Variants in PROM1 observed in about 807,000 individuals in gnomAD.
PROM1 encodes prominin 1, also known as prominin-1.
In PROM1, 105 loss-of-function variants were observed where a neutral mutation model predicts 116.9. The ratio of observed to expected loss-of-function variants is 0.90; its 90% CI spans 0.77 to 1.06. PROM1 has a LOEUF of 1.06. Among genes scored for constraint, PROM1 ranks in the 50% least tolerant of loss-of-function variants. The probability of loss-of-function intolerance (pLI) is 0.00; values close to 1 mark genes in which losing one functional copy is unlikely to be tolerated. For synonymous variants in PROM1, 393 were observed against 387.0 expected (o/e 1.02, Z -0.18); for missense variants, 1,122 against 1,045.2 (o/e 1.07, Z -1.01).
At chr4:16,029,097 A>G (rs1732060106) in intron 5 of PROM1, among the ~76,000 whole-genome samples, 2 of 152,258 alleles carry the variant, frequency 1.3e-5, no homozygotes, top group Admixed American at 6.5e-5. Context: ...CAGAAAAATT[A>G]CATTTAAACT....
At chr4:15,994,117 G>A (rs1212420329) in intron 15 of PROM1, 46 bp from the exon 16 acceptor site, 4 of 1,612,036 alleles carry the variant, frequency 2.5e-6, no homozygotes, top group Non-Finnish European at 3.4e-6. Context: ...AGCTGTTGCA[G>A]CTACCTCTGT....
At chr4:16,068,283 T>G (rs1742021070) in intron 2 of PROM1, among the ~76,000 whole-genome samples, 1 of 152,110 alleles carries the variant, frequency 6.6e-6, no homozygotes, top group Non-Finnish European at 1.5e-5. Context: ...CAGAGCAGAA[T>G]AAAAATCAAA....
intron 23 of PROM1, among the ~76,000 whole-genome samples, chr4:15,982,037 A>T (rs1235778225): frequency 1.3e-5 from 2 of 152,216 alleles, no homozygotes; most frequent in African/African-American, 4.8e-5. Flanking sequence ...CTTATGGACC[A>T]ATCAGGACAA....
intron 2 of PROM1, among the ~76,000 whole-genome samples, chr4:16,040,611 C>T (rs552638848): frequency 2.0e-4 from 30 of 152,310 alleles, no homozygotes; most frequent in South Asian, 6.2e-4. Flanking sequence ...ATCCAAGCTC[C>T]GCCACTTAAC....
rs765203655 is a variant in PROM1, at chr4:16,018,369, A to T, written c.956T>A (p.Ile319Asn). The T allele has an allele frequency of 1.2e-6, 2 of 1,613,692 alleles. No homozygotes were observed. The highest frequency in any genetic ancestry group is 2.2e-5 in the South Asian group (2 of 91,068). ...ATTCAGCTGGCTTAGAGACAATCTG[A>T]TGCTGTTGCAGGTTTCACTTGATGG... ...VHPSSETCNSIRLSLSQLNSN... is the reference protein window; with the variant it reads ...VHPSSETCNSNRLSLSQLNSN... The change falls in exon 9 of 28, where the codon ATC becomes AAC. Residue 319 changes from isoleucine to asparagine, a missense_variant. Ile to Asn is a moderately radical substitution (Grantham distance 149). Transcript: ENST00000447510.
intron 11 of PROM1, among the ~76,000 whole-genome samples, chr4:16,011,118 G>T (rs1399993374): frequency 1.3e-5 from 2 of 152,070 alleles, no homozygotes; most frequent in Non-Finnish European, 1.5e-5. Flanking sequence ...GCACGACATG[G>T]CTCCGTGACT....
intron 23 of PROM1, among the ~76,000 whole-genome samples, chr4:15,981,515 T>C (rs1717945219): frequency 6.6e-6 from 1 of 150,818 alleles, no homozygotes; most frequent in African/African-American, 2.4e-5. Context: ...GAGGTTGCAG[T>C]GAACCGAGAT....
intron 2 of PROM1, among the ~76,000 whole-genome samples, chr4:16,071,446 C>T (rs1463137068): frequency 1.3e-5 from 2 of 152,098 alleles, no homozygotes; most frequent in Admixed American, 6.5e-5. Context: ...ATATCTGTGT[C>T]CCCTGACATT....
intron 2 of PROM1, among the ~76,000 whole-genome samples, chr4:16,061,869 G>C (rs566700521): frequency 1.3e-5 from 2 of 150,066 alleles, no homozygotes; most frequent in African/African-American, 4.9e-5. Flanking sequence ...CTCCCTGTGT[G>C]TGTGTGTTTA....
At chr4:15,991,365 A>T (rs1577883013) in intron 17 of PROM1, 72 bp from the exon 18 acceptor site, 1 of 961,390 alleles carries the variant, frequency 1.0e-6, no homozygotes, top group East Asian at 2.9e-5. Flanking sequence ...TCTAGTAGGC[A>T]ACAGATTAAA....
chr4:16,078,678 G>A (rs1412015855), intron 1 of PROM1, among the ~76,000 whole-genome samples: 1 of 152,184 alleles, frequency 6.6e-6, no homozygotes, highest in Non-Finnish European at 1.5e-5. Flanking sequence ...AACACATACT[G>A]TAAGAAAGGG....
intron 2 of PROM1, among the ~76,000 whole-genome samples, chr4:16,042,249 T>C (rs773071689): frequency 6.6e-5 from 10 of 152,242 alleles, no homozygotes; most frequent in Non-Finnish European, 1.2e-4. Context: ...CACCATGAGC[T>C]TGACAGCATT....
chr4:15,989,543 C>A (rs572745528), intron 19 of PROM1, among the ~76,000 whole-genome samples, 189 bp downstream of exon 19: 7 of 152,298 alleles, frequency 4.6e-5, no homozygotes, highest in Middle Eastern at 3.4e-3. Context: ...AAATGAAAAA[C>A]GGAAGGGAAT....
rs1156697173 is a variant in PROM1, at chr4:16,006,616, C to A, written c.1376G>T (p.Gly459Val). ...GGCATGCCTGTCATAGCCGCACACG[C>A]CACACAGTAAGCCCAGGTAGTAAAA... The part of the protein sequence containing the change: ...VIFYYLGLLC[G>V]VCGYDRHATP... The change falls in exon 13 of 28, where the codon GGC (glycine) becomes GTC (valine). Residue 459 changes from glycine to valine, a missense_variant. Physicochemically the swap from Gly to Val is moderately radical, Grantham distance 109 (BLOSUM62 -3). Transcript: ENST00000447510. 6.2e-7 allele frequency: 1 copy of A among 1,611,466 alleles called. No individual in the cohort carries two copies. Among genetic ancestry groups the A allele is most frequent in the Non-Finnish European group, 8.5e-7 (1 of 1,178,934 alleles).
chr4:15,975,161 G>A (rs1715787685), intron 26 of PROM1, among the ~76,000 whole-genome samples: 1 of 152,138 alleles, frequency 6.6e-6, no homozygotes, highest in African/African-American at 2.4e-5. Flanking sequence ...TGGTCAAAGG[G>A]TGAATGTTTT....
chr4:16,076,831 G>T (rs151243050), intron 1 of PROM1, among the ~76,000 whole-genome samples: 2 of 152,188 alleles, frequency 1.3e-5, no homozygotes, highest in Non-Finnish European at 2.9e-5. Flanking sequence ...GTCCACTCAC[G>T]GTTAAATGGA....
chr4:16,060,607 T>A (rs933325570), intron 2 of PROM1, among the ~76,000 whole-genome samples: 1 of 152,174 alleles, frequency 6.6e-6, no homozygotes, highest in Non-Finnish European at 1.5e-5. Flanking sequence ...GTCTAAAACA[T>A]TTTGTGGATG....
intron 5 of PROM1, among the ~76,000 whole-genome samples, chr4:16,032,175 A>T (rs1732867947): frequency 6.7e-6 from 1 of 149,734 alleles, no homozygotes; most frequent in Non-Finnish European, 1.5e-5. Context: ...CATAGTTACC[A>T]TGTTCTACAC....
chr4:16,077,746 G>A (rs1744255703), intron 1 of PROM1, among the ~76,000 whole-genome samples: 1 of 152,124 alleles, frequency 6.6e-6, no homozygotes, highest in Non-Finnish European at 1.5e-5. Flanking sequence ...TCTAGTACGA[G>A]CCACTGGGGC....
Sources: allele counts gnomAD v4.1 joint callset (sites outside exome capture counted in the v4.1 genomes callset), GRCh38; gene constraint gnomAD v4.1.1; transcripts MANE v1.5; gene names NCBI Gene and HGNC (gene_info 2026-07-23, HGNC 2026-07-21).